PABIR3: variants seen among roughly 807,000 people sequenced by gnomAD.
The protein encoded by PABIR3 is PABIR family member 3.
A neutral mutation model predicts 23.1 loss-of-function variants in PABIR3; 20 were observed. The observed-to-expected ratio is 0.86, with a 90% confidence interval of 0.61 to 1.26. The LOEUF (loss-of-function observed/expected upper bound fraction) is 1.26, where lower values mean the gene tolerates loss of function less well. Among genes scored for constraint, PABIR3 ranks in the 50% most tolerant of loss-of-function variants. The probability of loss-of-function intolerance (pLI) is 0.00; values close to 1 mark genes in which losing one functional copy is unlikely to be tolerated. For synonymous variants in PABIR3, 69 were observed against 68.5 expected (o/e 1.01, Z -0.04); for missense variants, 189 against 195.4 (o/e 0.97, Z 0.20).
intron 4 of PABIR3, chrX:134,844,337 A>C (rs2082363640): frequency 9.0e-6 from 1 of 111,021 alleles, no homozygotes; most frequent in Admixed American, 9.7e-5. Flanking sequence ...TTAATATTCC[A>C]TATGAATTTT....
intron 2 of PABIR3, among the ~76,000 whole-genome samples, chrX:134,811,348 A>G (rs2080650244): frequency 9.3e-6 from 1 of 107,901 alleles, no homozygotes; most frequent in Non-Finnish European, 1.9e-5. Context: ...GTGCCTCCCT[A>G]CCTTAAAAAC....
intron 3 of PABIR3, among the ~76,000 whole-genome samples, chrX:134,824,658 G>A (rs530769617): frequency 9.1e-6 from 1 of 110,474 alleles, no homozygotes; most frequent in South Asian, 3.9e-4. Context: ...AAATTAGCCG[G>A]GCGTGGTGGC....
At chrX:134,830,364 G>A (rs767823603) in intron 4 of PABIR3, among the ~76,000 whole-genome samples, 6 of 76,376 alleles carry the variant, frequency 7.9e-5, no homozygotes, top group South Asian at 6.6e-4. Flanking sequence ...ACAGAGTTTC[G>A]CTCTGTTGCC....
chrX:134,829,427 A>AAT lies in PABIR3; in HGVS notation c.246+146_246+147insTA, dbSNP rs1479724757. 8.3e-5 allele frequency: 42 copies of AAT among 505,813 alleles called. No homozygotes were observed. The African/African-American group carries it at 1.0e-3, about 12-fold the overall frequency. 41.7% of individuals were successfully genotyped at this position (505,813 alleles called of 1,213,427 possible). A position where few individuals can be genotyped will look rare whatever the true frequency, so the allele number is the denominator to read the frequency against. Reference sequence around the variant, plus strand: ...TTTCTAGGAATGATTTCTTCAAAAAAAAAACAAAACTAAGAAGCACTTTTT... The same window carrying AAT: ...TTTCTAGGAATGATTTCTTCAAAAAAATAAAACAAAACTAAGAAGCACTTTTT... On this transcript the variant is annotated intron_variant, in intron 4 of 10. Coordinates refer to ENST00000645433, the MANE Select transcript of PABIR3 (RefSeq NM_001388447.1).
At chrX:134,820,407 G>C (rs2148193760) in intron 3 of PABIR3, among the ~76,000 whole-genome samples, 1 of 111,258 alleles carries the variant, frequency 9.0e-6, no homozygotes, top group East Asian at 2.8e-4. Flanking sequence ...GTCCTATACT[G>C]GTCTATCCTT....
At chrX:134,809,939 AG>A in intron 2 of PABIR3, 1 of 754,432 alleles carries the variant, frequency 1.3e-6, no homozygotes, top group Non-Finnish European at 1.6e-6. Flanking sequence ...TAAAATAGGC[AG>A]GTAGAAAAAC....
chrX:134,799,115 T>C (rs781537641), intron 1 of PABIR3, among the ~76,000 whole-genome samples: 1 of 112,294 alleles, frequency 8.9e-6, no homozygotes, highest in Non-Finnish European at 1.9e-5. Flanking sequence ...AAGTTTTTTT[T>C]TTTACATTGA....
At chrX:134,800,725 G>A (rs2080045366) in intron 1 of PABIR3, among the ~76,000 whole-genome samples, 1 of 112,073 alleles carries the variant, frequency 8.9e-6, no homozygotes, top group African/African-American at 3.2e-5. Flanking sequence ...GGGAGGTGGA[G>A]GTTGTAGTGA....
chrX:134,836,529 G>GAGAA (rs2081979779), intron 4 of PABIR3, among the ~76,000 whole-genome samples: 1 of 112,422 alleles, frequency 8.9e-6, no homozygotes, highest in African/African-American at 3.2e-5. Context: ...GGGAGGATCT[G>GAGAA]CTCCAGGCCT....
chrX:134,838,464 C>T (rs2082043366), intron 4 of PABIR3, among the ~76,000 whole-genome samples: 1 of 108,592 alleles, frequency 9.2e-6, no homozygotes, highest in Non-Finnish European at 1.9e-5. Flanking sequence ...CAGGCACCTG[C>T]CACCACGCCC....
Position 134,854,371 on chromosome X carries a change from T to G in PABIR3, c.*154T>G, listed in dbSNP as rs1037251375. ...ATCTTTTTTCCTCAATTTCCTAAAATTCTATTTATCTACAGAACTTGCGTG... is the reference window on the plus strand; with the variant it reads ...ATCTTTTTTCCTCAATTTCCTAAAAGTCTATTTATCTACAGAACTTGCGTG... On this transcript the variant is annotated 3_prime_UTR_variant, in exon 11 of 11. Coordinates refer to ENST00000645433, the MANE Select transcript of PABIR3 (RefSeq NM_001388447.1). 4.0e-5 allele frequency: 24 copies of G among 593,430 alleles called. No individual in the cohort carries two copies. Among genetic ancestry groups the G allele is most frequent in the Non-Finnish European group, 5.7e-5 (24 of 422,631 alleles). 48.9% of individuals were successfully genotyped at this position (593,430 alleles called of 1,213,427 possible).
chrX:134,811,233 CTT>C, intron 2 of PABIR3: 4 of 606,689 alleles, frequency 6.6e-6, no homozygotes, highest in Non-Finnish European at 7.9e-6. Flanking sequence ...AATTGGCTGA[CTT>C]TATTACTGGT....
At chrX:134,821,475 T>C (rs2081292885) in intron 3 of PABIR3, 1 of 1,153,493 alleles carries the variant, frequency 8.7e-7, no homozygotes, top group Non-Finnish European at 1.1e-6. Flanking sequence ...CCAGGAATTC[T>C]GGCACTTCTG....
intron 1 of PABIR3, chrX:134,799,782 A>C (rs1412544849): frequency 9.1e-6 from 1 of 109,584 alleles, no homozygotes; most frequent in African/African-American, 3.3e-5. Flanking sequence ...GGCCAACATA[A>C]CATGGTGAAA....
At chrX:134,809,431 T>C (rs537661382) in intron 2 of PABIR3, 523 of 684,760 alleles carry the variant, frequency 7.6e-4, no homozygotes, top group South Asian at 6.8e-3. Context: ...TCCCAAAGTG[T>C]TGGGATTACA....
chrX:134,835,959 T>G (rs900196304), intron 4 of PABIR3, among the ~76,000 whole-genome samples: 2 of 112,195 alleles, frequency 1.8e-5, no homozygotes, highest in Non-Finnish European at 3.8e-5. Flanking sequence ...TGTCTCAGCC[T>G]CCCGAGTAGC....
intron 1 of PABIR3, among the ~76,000 whole-genome samples, chrX:134,801,851 CT>C (rs371529992): frequency 3.4e-3 from 334 of 98,761 alleles, no homozygotes; most frequent in Middle Eastern, 5.1e-3. Flanking sequence ...GAAAATTCGA[CT>C]TTTTTTTTTT....
intron 4 of PABIR3, chrX:134,839,616 T>G (rs1324578353): frequency 9.1e-6 from 1 of 110,162 alleles, no homozygotes; most frequent in African/African-American, 3.6e-5. Context: ...GAGGGGTGCC[T>G]CTGCCCAGCC....
At chrX:134,857,030 G>C (rs188771115), downstream of PABIR3, among the ~76,000 whole-genome samples, 52 of 111,713 alleles carry the variant, frequency 4.7e-4, no homozygotes, top group African/African-American at 1.7e-3. Flanking sequence ...AAAAAATTAT[G>C]GTAAGGCTAT....
Sources: gnomAD v4.1 joint callset for allele counts (sites outside exome capture counted in the v4.1 genomes callset) on GRCh38, gnomAD v4.1.1 for gene constraint, MANE v1.5 for transcripts, NCBI Gene and HGNC (gene_info 2026-07-23, HGNC 2026-07-21) for gene names.